Variants in ENOX1 observed in about 807,000 individuals in gnomAD.
ENOX1 encodes candidate growth-related and time keeping constitutive hydroquinone (NADH) oxidase.
A neutral mutation model predicts 82.5 loss-of-function variants in ENOX1; 42 were observed. That is an observed-to-expected ratio of 0.51 (90% CI 0.40 to 0.66). The LOEUF (loss-of-function observed/expected upper bound fraction) is 0.66, where lower values mean the gene tolerates loss of function less well. Among genes scored for constraint, ENOX1 ranks in the 30% least tolerant of loss-of-function variants. The pLI, the probability that ENOX1 is intolerant of heterozygous loss-of-function variation, is 0.00. For synonymous variants in ENOX1, 271 were observed against 282.2 expected (o/e 0.96, Z 0.40); for missense variants, 608 against 811.6 (o/e 0.75, Z 3.05).
chr13:43,351,019 A>G (rs534790906), intron 8 of ENOX1, among the ~76,000 whole-genome samples: 2 of 152,328 alleles, frequency 1.3e-5, no homozygotes, highest in African/African-American at 4.8e-5. Context: ...ACACACAAGG[A>G]AAGGTATGTC....
Position 43,265,447 on chromosome 13 carries a change from C to A in ENOX1, c.1562G>T (p.Gly521Val), listed in dbSNP as rs766550004. The change falls in exon 14 of 17, where the codon GGT (glycine) becomes GTT (valine). Residue 521 changes from glycine to valine, a missense_variant. Physicochemically the swap from Gly to Val is moderately radical, Grantham distance 109 (BLOSUM62 -3). Coordinates refer to ENST00000690772, the MANE Select transcript of ENOX1 (RefSeq NM_001347969.2). ...ATTGGTCTCGACCAATTCCTTGGTACCTTTTAACTGCAAATTTTAAGGAAA... is the reference window on the plus strand; with the variant it reads ...ATTGGTCTCGACCAATTCCTTGGTAACTTTTAACTGCAAATTTTAAGGAAA... ...LLKVLQEQLK[G>V]TKELVETNGH... 2.5e-6 allele frequency: 4 copies of A among 1,611,134 alleles called. No homozygotes were observed. Among genetic ancestry groups the A allele is most frequent in the Admixed American group, 1.7e-5 (1 of 59,664 alleles).
intron 2 of ENOX1, among the ~76,000 whole-genome samples, chr13:43,626,555 A>G (rs1427025809): frequency 6.6e-6 from 1 of 151,830 alleles, no homozygotes; most frequent in Non-Finnish European, 1.5e-5. Flanking sequence ...ACTCTGACCC[A>G]CGCATTGACT....
intron 3 of ENOX1, among the ~76,000 whole-genome samples, chr13:43,466,227 C>T (rs867279819): frequency 6.6e-6 from 1 of 151,518 alleles, no homozygotes; most frequent in African/African-American, 2.4e-5. Flanking sequence ...AACTATATGA[C>T]GATTCAATGG....
chr13:43,355,777 G>T, intron 8 of ENOX1, 142 bp downstream of exon 8: 1 of 867,946 alleles, frequency 1.2e-6, no homozygotes, highest in Non-Finnish European at 1.8e-6. Flanking sequence ...AAGAGTCTGT[G>T]CTTACACCAG....
chr13:43,731,297 T>C (rs2153822124), intron 1 of ENOX1, among the ~76,000 whole-genome samples: 1 of 152,362 alleles, frequency 6.6e-6, no homozygotes, highest in Admixed American at 6.5e-5. Flanking sequence ...GTTCTCTCTG[T>C]TGAGATATTT....
At chr13:43,256,820 AAAAG>A (rs2043776000) in intron 14 of ENOX1, among the ~76,000 whole-genome samples, 1 of 152,212 alleles carries the variant, frequency 6.6e-6, no homozygotes, top group Non-Finnish European at 1.5e-5. Flanking sequence ...GTATATATTC[AAAAG>A]AAAGAAAATC....
At chr13:43,267,944 C>T (rs1018799990) in intron 13 of ENOX1, among the ~76,000 whole-genome samples, 5 of 152,128 alleles carry the variant, frequency 3.3e-5, no homozygotes, top group East Asian at 1.9e-4. Flanking sequence ...ATCTTCTTCA[C>T]GTTCTCTTTT....
At chr13:43,577,075 A>T (rs545715243) in intron 2 of ENOX1, among the ~76,000 whole-genome samples, 1 of 152,206 alleles carries the variant, frequency 6.6e-6, no homozygotes. Context: ...AGAGAAGGGA[A>T]TAAGTAGTAA....
intron 1 of ENOX1, among the ~76,000 whole-genome samples, chr13:43,671,875 G>A (rs764842012): frequency 6.6e-5 from 10 of 152,262 alleles, no homozygotes; most frequent in Non-Finnish European, 1.5e-4. Context: ...CAAGAGTTTA[G>A]TGGAAAAGCC....
At chr13:43,478,684 T>C (rs193149039) in intron 3 of ENOX1, among the ~76,000 whole-genome samples, 85 of 152,316 alleles carry the variant, frequency 5.6e-4, no homozygotes, top group African/African-American at 1.9e-3. Context: ...TTTTCAACAC[T>C]GTACTCACTG....
intron 1 of ENOX1, among the ~76,000 whole-genome samples, chr13:43,725,355 C>T (rs2088867238): frequency 6.6e-6 from 1 of 152,010 alleles, no homozygotes; most frequent in Non-Finnish European, 1.5e-5. Context: ...TACAATATGA[C>T]TAACTGGACC....
intron 5 of ENOX1, among the ~76,000 whole-genome samples, chr13:43,390,581 A>T (rs568064008): frequency 6.6e-6 from 1 of 151,966 alleles, no homozygotes; most frequent in Non-Finnish European, 1.5e-5. Flanking sequence ...AAAAACCTTT[A>T]CCCAAATCAG....
chr13:43,749,082 C>G (rs1249699548), intron 1 of ENOX1, among the ~76,000 whole-genome samples: 1 of 152,138 alleles, frequency 6.6e-6, no homozygotes, highest in Non-Finnish European at 1.5e-5. Flanking sequence ...ATGCCTAGAA[C>G]ATGATACTTT....
intron 1 of ENOX1, among the ~76,000 whole-genome samples, chr13:43,704,231 T>C (rs933870746): frequency 6.6e-6 from 1 of 152,072 alleles, no homozygotes; most frequent in Admixed American, 6.5e-5. Flanking sequence ...AGAAAATATA[T>C]ATGACTAAGA....
At chr13:43,663,100 T>C (rs1290442628) in intron 2 of ENOX1, among the ~76,000 whole-genome samples, 1 of 152,134 alleles carries the variant, frequency 6.6e-6, no homozygotes, top group Non-Finnish European at 1.5e-5. Context: ...TAAAGAGAGC[T>C]TGACTTCCCT....
At chr13:43,399,593 C>A (rs1390823702) in intron 5 of ENOX1, among the ~76,000 whole-genome samples, 1 of 152,170 alleles carries the variant, frequency 6.6e-6, no homozygotes, top group Non-Finnish European at 1.5e-5. Flanking sequence ...ATAATATGTA[C>A]CACACTTCAC....
intron 2 of ENOX1, among the ~76,000 whole-genome samples, chr13:43,485,895 G>A (rs916560696): frequency 1.3e-5 from 2 of 152,170 alleles, no homozygotes; most frequent in Non-Finnish European, 2.9e-5. Flanking sequence ...GGCCAATGTG[G>A]TGAAACCCTG....
At chr13:43,486,806 C>T (rs556395617) in intron 2 of ENOX1, among the ~76,000 whole-genome samples, 2 of 152,222 alleles carry the variant, frequency 1.3e-5, no homozygotes, top group South Asian at 2.1e-4. Flanking sequence ...AAAGGCTGTT[C>T]GAGGATTAAG....
Position 43,322,462 on chromosome 13 carries a change from G to A in ENOX1, c.1183C>T (p.Arg395Cys), listed in dbSNP as rs1020262311. 16 of 1,613,874 alleles carry A rather than the reference G, an allele frequency of 9.9e-6. No individual in the cohort carries two copies. Among genetic ancestry groups the A allele is most frequent in the African/African-American group, 4.0e-5 (3 of 74,908 alleles). ...GACATTTCCATTTCTTCTTCGCGGC[G>A]GATGCCCATGAGCTGCTCACTTTGA... ...NAQSEQLMGI[R>C]REEEMEMSDD... is the part of the protein sequence containing the mutation. Residue 395 changes from arginine (R) to cysteine (C), a missense_variant, in exon 11 of 17, where the codon CGC becomes TGC. Transcript: ENST00000690772.
Sources: gnomAD v4.1 joint callset for allele counts (sites outside exome capture counted in the v4.1 genomes callset) on GRCh38, gnomAD v4.1.1 for gene constraint, MANE v1.5 for transcripts, NCBI Gene and HGNC (gene_info 2026-07-23, HGNC 2026-07-21) for gene names.